The following DLG3 variants were observed in gnomAD, a reference collection of about 807,000 sequenced individuals.
DLG3 encodes discs large MAGUK scaffold protein 3.
A neutral mutation model predicts 64.1 loss-of-function variants in DLG3; 1 was observed. The observed-to-expected ratio is 0.02, with a 90% CI of 0.01 to 0.07. DLG3 has a LOEUF of 0.07. Ranked by LOEUF, DLG3 falls within the 10% of genes least tolerant of loss-of-function variation. The pLI, the probability that DLG3 is intolerant of heterozygous loss-of-function variation, is 1.00. For missense variants in DLG3, 429 were observed against 669.5 expected, an observed-to-expected ratio of 0.64 and a Z score of 3.96; for synonymous variants, 245 against 259.8, an observed-to-expected ratio of 0.94 and a Z score of 0.55.
At position 70,450,654 on chromosome X, in the gene DLG3, C is replaced by G; in HGVS notation, c.856C>G (p.Leu286Val). The change falls in exon 6 of 19, where the codon CTG (leucine) becomes GTG (valine). Residue 286 changes from leucine to valine, a missense_variant. Physicochemically the swap from Leu to Val is conservative, Grantham distance 32 (BLOSUM62 1). Coordinates refer to ENST00000374360, the MANE Select transcript of DLG3 (RefSeq NM_021120.4). The part of the protein sequence containing the change: ...DRLLAVNNTN[L>V]QDVRHEEAVA... Reference sequence around the variant, plus strand: ...CCTCTTCTAGGTGAACAACACCAATCTGCAGGATGTGAGGCACGAGGAAGC... The same window carrying G: ...CCTCTTCTAGGTGAACAACACCAATGTGCAGGATGTGAGGCACGAGGAAGC... 2 of 1,211,858 alleles carry G rather than the reference C, an allele frequency of 1.7e-6. No homozygotes were observed. Among genetic ancestry groups the G allele is most frequent in the Non-Finnish European group, 2.2e-6 (2 of 895,525 alleles).
intron 1 of DLG3, among the ~76,000 whole-genome samples, chrX:70,446,816 T>C (rs1357054735): frequency 1.8e-5 from 2 of 112,295 alleles, no homozygotes; most frequent in African/African-American, 6.5e-5. Flanking sequence ...AAGAGGAGGC[T>C]TTGCTGTCGA....
intron 12 of DLG3, among the ~76,000 whole-genome samples, chrX:70,494,888 T>G (rs1417405321): frequency 8.9e-6 from 1 of 112,636 alleles, no homozygotes; most frequent in East Asian, 2.8e-4. Flanking sequence ...TGAATCAGTA[T>G]TGGGCAAAGG....
In DLG3 at chrX:70,453,739, A is replaced by G. The variant is rs1488756344; in HGVS notation, c.1248A>G (p.Ala416=). The G allele has an allele frequency of 1.7e-6, 2 of 1,207,917 alleles. No homozygotes were observed. Among genetic ancestry groups the G allele is most frequent in the South Asian group, 3.6e-5 (2 of 55,882 alleles). Residue 416 remains alanine (A), a synonymous_variant, in exon 8 of 19, where the codon GCA becomes GCG. Coordinates refer to ENST00000374360, the MANE Select transcript of DLG3 (RefSeq NM_021120.4). Reference sequence around the variant, plus strand: ...GCATTTTTGTCTCCTTCATCCTGGCAGGAGGCCCAGCTGACCTGAGTGGGG... The same window carrying G: ...GCATTTTTGTCTCCTTCATCCTGGCGGGAGGCCCAGCTGACCTGAGTGGGG... The part of the protein sequence containing the change: ...GEGIFVSFIL[A]GGPADLSGEL...
At chrX:70,473,716 C>G (rs1202820116) in intron 9 of DLG3, among the ~76,000 whole-genome samples, 2 of 110,667 alleles carry the variant, frequency 1.8e-5, no homozygotes, top group African/African-American at 3.3e-5. Flanking sequence ...ACCTCAGCCT[C>G]TCGAGTAGCT....
chrX:70,493,260 T>C (rs2087391403), intron 12 of DLG3: 1 of 580,397 alleles, frequency 1.7e-6, no homozygotes, highest in Non-Finnish European at 2.9e-6. Context: ...TGAGAGATGG[T>C]CTTTTATTTA....
At chrX:70,452,200 G>A in intron 7 of DLG3, 174 bp downstream of exon 7, 1 of 1,082,484 alleles carries the variant, frequency 9.2e-7, no homozygotes, top group Non-Finnish European at 1.2e-6. Flanking sequence ...ACCTAGAGAG[G>A]GACAGAAGTG....
chrX:70,464,045 G>A (rs1164599453), intron 9 of DLG3, among the ~76,000 whole-genome samples: 2 of 108,707 alleles, frequency 1.8e-5, no homozygotes, highest in African/African-American at 3.4e-5. Context: ...TTATTTTTTT[G>A]TATAGAGACA....
chrX:70,468,362 G>A (rs904142745), intron 9 of DLG3, among the ~76,000 whole-genome samples: 1 of 111,921 alleles, frequency 8.9e-6, no homozygotes, highest in Admixed American at 9.5e-5. Context: ...GAGCCACGCG[G>A]CACCTGGCCT....
rs2087610284 is a variant in DLG3, at chrX:70,503,886, C to G, written c.*1617C>G. 1 of 111,153 alleles carries G rather than the reference C, an allele frequency of 9.0e-6. No individual in the cohort carries two copies. Among genetic ancestry groups the G allele is most frequent in the Admixed American group, 9.6e-5 (1 of 10,397 alleles). 9.2% of individuals were successfully genotyped at this position (111,153 alleles called of 1,213,427 possible). On this transcript the variant is annotated 3_prime_UTR_variant, in exon 19 of 19. Coordinates refer to ENST00000374360, the MANE Select transcript of DLG3 (RefSeq NM_021120.4). ...TGAAGCCAACGTGCCTCCCTCGCCTCCATACTGGAGGGACGACGCAGGGGA... is the reference window on the plus strand; with the variant it reads ...TGAAGCCAACGTGCCTCCCTCGCCTGCATACTGGAGGGACGACGCAGGGGA...
chrX:70,491,580 T>G (rs958122371), intron 10 of DLG3, among the ~76,000 whole-genome samples: 7 of 112,691 alleles, frequency 6.2e-5, no homozygotes, highest in African/African-American at 2.3e-4. Context: ...ACTAGGTGAC[T>G]TCTATGGTCC....
intron 9 of DLG3, chrX:70,455,764 T>G (rs1331565326): frequency 9.0e-6 from 1 of 111,525 alleles, no homozygotes; most frequent in Admixed American, 9.5e-5. Flanking sequence ...TTCTTTCGCC[T>G]CCTCCTCCCC....
At chrX:70,475,522 C>G (rs763371404) in intron 9 of DLG3, among the ~76,000 whole-genome samples, 12 of 111,725 alleles carry the variant, frequency 1.1e-4, no homozygotes, top group African/African-American at 3.3e-4. Flanking sequence ...CCACACCTGG[C>G]TGATTTTTGT....
At position 70,503,059 on chromosome X, in the gene DLG3, G is replaced by A. The variant is rs189165938; in HGVS notation, c.*790G>A. On this transcript the variant is annotated 3_prime_UTR_variant, in exon 19 of 19. Transcript: ENST00000374360. The stretch of plus-strand genomic sequence containing the variant: ...GAGGGGTCAGCCTGAGGCCGGAGAG[G>A]AAGGGCTTTTGCCTGGGGTGAGAGG... The A allele has an allele frequency of 9.0e-6, 1 of 111,182 alleles. No individual in the cohort carries two copies. The highest frequency in any genetic ancestry group is 3.3e-5 in the African/African-American group (1 of 30,499). The allele number at this position is 111,182 out of a possible 1,213,427, so 9.2% of individuals were successfully genotyped here.
intron 17 of DLG3, 38 bp from the exon 18 acceptor site, chrX:70,500,860 G>T: frequency 9.1e-7 from 1 of 1,104,058 alleles, no homozygotes; most frequent in African/African-American, 1.8e-5. Flanking sequence ...CAGAACATAA[G>T]ATCTGGTTCA....
intron 7 of DLG3, chrX:70,453,429 A>G (rs1221277223): frequency 8.6e-6 from 4 of 467,524 alleles, no homozygotes; most frequent in South Asian, 7.4e-5. Flanking sequence ...GCCCTCGGGA[A>G]GAAGGGAGGG....
At chrX:70,446,301 C>T (rs915790827) in intron 1 of DLG3, among the ~76,000 whole-genome samples, 10 of 109,519 alleles carry the variant, frequency 9.1e-5, no homozygotes, top group Admixed American at 2.9e-4. Context: ...TGGTGAGAGG[C>T]GCTTGACAGG....
chrX:70,454,242 C>T lies in DLG3; in HGVS notation c.1331C>T (p.Thr444Ile), dbSNP rs745344573. The change falls in exon 9 of 19, where the codon ACT becomes ATT. Residue 444 changes from threonine to isoleucine, a missense_variant. Physicochemically the swap from Thr to Ile is moderately conservative, Grantham distance 89 (BLOSUM62 -1). This residue lies in a region of DLG3 where 46 missense variants were observed against 52.3 expected (regional missense o/e 0.88). Coordinates refer to ENST00000374360, the MANE Select transcript of DLG3 (RefSeq NM_021120.4). ...AATGGAGTGAATCTGAGGAATGCAA[C>T]TCATGAGCAGGCTGCAGCTGCTCTG... ...SVNGVNLRNA[T>I]HEQAAAALKR... is the part of the protein sequence containing the mutation. 8.3e-7 allele frequency: 1 copy of T among 1,211,737 alleles called. No homozygotes were observed. The highest frequency in any genetic ancestry group is 1.1e-6 in the Non-Finnish European group (1 of 895,387).
At chrX:70,500,748 C>A in intron 17 of DLG3, 150 bp from the exon 18 acceptor site, 1 of 697,714 alleles carries the variant, frequency 1.4e-6, no homozygotes, top group Non-Finnish European at 2.2e-6. Context: ...CATGGTTGGA[C>A]TTTTGAACGC....
chrX:70,452,717 C>G lies in DLG3; in HGVS notation c.1145+691C>G, dbSNP rs1259921349. On this transcript the variant is annotated intron_variant, in intron 7 of 18. Coordinates refer to ENST00000374360, the MANE Select transcript of DLG3 (RefSeq NM_021120.4). ...GGAGGAGGGCTTCGCAGAGGTGGGC[C>G]TGGCCGCTCCGCTCCCTGCGGCCCG... The G allele has an allele frequency of 2.5e-6, 3 of 1,199,012 alleles. No individual in the cohort carries two copies. The African/African-American group carries it at 5.2e-5, about 21-fold the overall frequency.
Sources: allele counts gnomAD v4.1 joint callset (sites outside exome capture counted in the v4.1 genomes callset), GRCh38; gene constraint gnomAD v4.1.1; regional missense constraint gnomAD v4.1.1; transcripts MANE v1.5; gene names NCBI Gene and HGNC (gene_info 2026-07-23, HGNC 2026-07-21).